Variants in RORA observed in about 807,000 individuals in gnomAD.
RORA encodes the protein nuclear receptor ROR-alpha.
Under a neutral mutation model 69.5 loss-of-function variants are expected in RORA, and 7 were observed. That is an observed-to-expected ratio of 0.10 (90% CI 0.06 to 0.19). The LOEUF is 0.19. RORA is among the 10% of genes least tolerant of loss of function. The pLI is 1.00. For synonymous variants in RORA, 261 were observed against 240.8 expected (o/e 1.08, Z -0.78); for missense variants, 457 against 663.0 (o/e 0.69, Z 3.41).
intron 5 of RORA, among the ~76,000 whole-genome samples, chr15:60,508,921 C>G (rs938791818): frequency 6.6e-6 from 1 of 152,156 alleles, no homozygotes; most frequent in African/African-American, 2.4e-5. Flanking sequence ...GGCAAAATTT[C>G]CTAGCCAAGG....
At chr15:60,782,070 CA>C (rs1330450070) in intron 1 of RORA, among the ~76,000 whole-genome samples, 2 of 152,132 alleles carry the variant, frequency 1.3e-5, no homozygotes, top group African/African-American at 4.8e-5. Context: ...ACTAAAAATA[CA>C]GAAATTAGTC....
At chr15:60,874,305 A>G (rs2073590565) in intron 1 of RORA, among the ~76,000 whole-genome samples, 1 of 152,214 alleles carries the variant, frequency 6.6e-6, no homozygotes, top group South Asian at 2.1e-4. Context: ...TTTTTCAAAA[A>G]TATGCATTAA....
chr15:60,812,835 G>A (rs1339545124), intron 1 of RORA, among the ~76,000 whole-genome samples: 1 of 152,170 alleles, frequency 6.6e-6, no homozygotes, highest in Non-Finnish European at 1.5e-5. Context: ...CAGTGTAAGT[G>A]ATGGAATCTG....
intron 1 of RORA, among the ~76,000 whole-genome samples, chr15:60,938,784 T>A (rs544612853): frequency 6.6e-6 from 1 of 152,288 alleles, no homozygotes; most frequent in African/African-American, 2.4e-5. Context: ...AATTGGTGCA[T>A]TTAGAACATT....
chr15:60,982,942 C>T (rs756843441), intron 1 of RORA, among the ~76,000 whole-genome samples: 2 of 151,982 alleles, frequency 1.3e-5, no homozygotes, highest in Non-Finnish European at 2.9e-5. Flanking sequence ...TTCATAAAGG[C>T]GAGGCACCTC....
At chr15:60,512,589 A>G (rs1205134235) in intron 4 of RORA, among the ~76,000 whole-genome samples, 2 of 152,188 alleles carry the variant, frequency 1.3e-5, no homozygotes, top group Non-Finnish European at 2.9e-5. Flanking sequence ...CACTCCCAGT[A>G]GGACCCATCT....
chr15:60,846,034 C>T (rs150819486), intron 1 of RORA, among the ~76,000 whole-genome samples: 2,921 of 152,254 alleles, frequency 0.019, 91 homozygotes, highest in African/African-American at 0.067. Context: ...CGTGAGCCAC[C>T]GCGCCCAGCT....
chr15:61,048,797 G>C (rs1457001044), intron 1 of RORA, among the ~76,000 whole-genome samples: 1 of 152,132 alleles, frequency 6.6e-6, no homozygotes, highest in Admixed American at 6.5e-5. Flanking sequence ...GCTTCTTTAC[G>C]GCTCTTCAAG....
At chr15:60,823,020 C>T (rs1015718768) in intron 1 of RORA, among the ~76,000 whole-genome samples, 3 of 150,800 alleles carry the variant, frequency 2.0e-5, no homozygotes, top group Admixed American at 1.3e-4. Flanking sequence ...CTTCCCTCCC[C>T]TTTCCTTCCT....
Position 60,493,223 on chromosome 15 carries a change from G to A in RORA, c.*4232C>T, listed in dbSNP as rs1025757732. 2 of 151,956 alleles carry A rather than the reference G, an allele frequency of 1.3e-5. No individual in the cohort carries two copies. Among genetic ancestry groups the A allele is most frequent in the African/African-American group, 4.8e-5 (2 of 41,328 alleles). The allele number at this position is 151,956 out of a possible 1,614,324, so 9.4% of individuals were successfully genotyped here. On this transcript the variant is annotated 3_prime_UTR_variant, in exon 11 of 11. Transcript: ENST00000335670. ...ATCAATGTTGGAAACAGTGGCTTTA[G>A]GATTATTATCTGGCTGCCCCTCAAC...
chr15:60,655,508 C>G (rs2070207947), intron 2 of RORA, among the ~76,000 whole-genome samples: 1 of 152,168 alleles, frequency 6.6e-6, no homozygotes, highest in African/African-American at 2.4e-5. Context: ...GAGGCAGTGT[C>G]AATTACTGTA....
At chr15:60,992,226 A>T (rs1390299046) in intron 1 of RORA, among the ~76,000 whole-genome samples, 1 of 152,202 alleles carries the variant, frequency 6.6e-6, no homozygotes, top group African/African-American at 2.4e-5. Flanking sequence ...CGGAGAGAAG[A>T]GGAAAAAATG....
At chr15:60,759,220 G>C (rs1252366157) in intron 1 of RORA, among the ~76,000 whole-genome samples, 2 of 152,202 alleles carry the variant, frequency 1.3e-5, no homozygotes, top group African/African-American at 4.8e-5. Context: ...TCCCCAAGGA[G>C]AGCCTGAGAG....
chr15:61,139,559 C>A (rs1272620958), intron 1 of RORA, among the ~76,000 whole-genome samples: 1 of 152,198 alleles, frequency 6.6e-6, no homozygotes, highest in Non-Finnish European at 1.5e-5. Flanking sequence ...AAACCAGAGG[C>A]CACCTAAACT....
chr15:60,767,484 G>A (rs1246460355), intron 1 of RORA, among the ~76,000 whole-genome samples: 2 of 152,208 alleles, frequency 1.3e-5, no homozygotes, highest in Non-Finnish European at 2.9e-5. Context: ...TCACACAGCT[G>A]ACGATAGAGG....
In RORA at chr15:61,024,270, CTTTTT is replaced by C. The variant is rs34008494; in HGVS notation, c.166+204778_166+204782del. Among the ~76,000 whole-genome samples, 529 of 79,398 alleles carry C rather than the reference CTTTTT, an allele frequency of 6.7e-3. 1 individual carries two copies. Among genetic ancestry groups the C allele is most frequent in the Middle Eastern group, 0.026 (2 of 78 alleles). The allele number at this position is 79,398 out of a possible 152,430, so 52.1% of individuals were successfully genotyped here. A position where few individuals can be genotyped will look rare whatever the true frequency, so the allele number is the denominator to read the frequency against. On this transcript the variant is annotated intron_variant, in intron 1 of 10. Coordinates refer to ENST00000335670, the MANE Select transcript of RORA (RefSeq NM_134261.3). ...GAAAAAGCAGAACTTTCTTGGATCT[CTTTTT>C]TTTTTTTTTTTTTTTTTTTGAGACA...
intron 6 of RORA, among the ~76,000 whole-genome samples, chr15:60,504,848 C>G (rs551111914): frequency 1.1e-4 from 16 of 152,268 alleles, no homozygotes; most frequent in African/African-American, 3.9e-4. Context: ...ACTGTTCCCA[C>G]CGATATGATG....
intron 1 of RORA, among the ~76,000 whole-genome samples, chr15:61,010,758 T>A (rs754592530): frequency 6.6e-6 from 1 of 152,210 alleles, no homozygotes; most frequent in Non-Finnish European, 1.5e-5. Context: ...GGTGCTGTGT[T>A]ATGCCCAGTG....
chr15:61,117,856 A>T (rs2079064519), intron 1 of RORA, among the ~76,000 whole-genome samples: 1 of 152,246 alleles, frequency 6.6e-6, no homozygotes, highest in Non-Finnish European at 1.5e-5. Context: ...ACACAGAAAG[A>T]TAAAGACTTC....
Sources: gnomAD v4.1 joint callset for allele counts (sites outside exome capture counted in the v4.1 genomes callset) on GRCh38, gnomAD v4.1.1 for gene constraint, MANE v1.5 for transcripts, NCBI Gene and HGNC (gene_info 2026-07-23, HGNC 2026-07-21) for gene names.